Variants in DBX2 observed in about 807,000 individuals in gnomAD.
The protein encoded by DBX2 is homeobox protein DBX2.
DBX2 carries 16 observed loss-of-function variants against 17.7 expected under a neutral mutation model. The ratio of observed to expected loss-of-function variants is 0.90; its 90% CI spans 0.61 to 1.37. The LOEUF (loss-of-function observed/expected upper bound fraction) is 1.37. Among genes scored for constraint, DBX2 ranks in the 40% most tolerant of loss-of-function variants. The pLI, the probability that DBX2 is intolerant of heterozygous loss-of-function variation, is 0.00. For synonymous variants in DBX2, 255 were observed against 183.8 expected (o/e 1.39, Z -3.13); for missense variants, 538 against 433.8 (o/e 1.24, Z -2.13).
chr12:45,034,773 G>A (rs992066034), intron 2 of DBX2, among the ~76,000 whole-genome samples: 2 of 152,186 alleles, frequency 1.3e-5, no homozygotes, highest in African/African-American at 4.8e-5. Context: ...ATGGTGTCCA[G>A]AAATTCACTT....
Position 45,033,738 on chromosome 12 carries a change from T to C in DBX2, c.499+2281A>G, listed in dbSNP as rs368234425. 9.8e-5 allele frequency among the ~76,000 whole-genome samples: 15 copies of C among 152,294 alleles called. No individual in the cohort carries two copies. The South Asian group carries it at 2.9e-3, about 29-fold the overall frequency. Reference sequence around the variant, plus strand: ...CTAAACTGTTTTAAAATGCCAACTTTAGAAATGAAGCCAAACCAAGTGCAT... The same window carrying C: ...CTAAACTGTTTTAAAATGCCAACTTCAGAAATGAAGCCAAACCAAGTGCAT... On this transcript the variant is annotated intron_variant, in intron 2 of 3. Coordinates refer to ENST00000332700, the MANE Select transcript of DBX2 (RefSeq NM_001004329.3).
intron 1 of DBX2, 39 bp from the exon 2 acceptor site, chr12:45,036,153 T>C (rs1215012029): frequency 1.3e-6 from 2 of 1,522,846 alleles, no homozygotes; most frequent in Non-Finnish European, 1.8e-6. Flanking sequence ...TAGCCATTTC[T>C]TTAAGACAAT....
At chr12:45,042,246 A>AAGAC (rs1391379471) in intron 1 of DBX2, among the ~76,000 whole-genome samples, 1 of 152,238 alleles carries the variant, frequency 6.6e-6, no homozygotes, top group African/African-American at 2.4e-5. Context: ...ATCTGAGATC[A>AAGAC]AGACTAAAAC....
At chr12:45,030,727 A>G (rs1377786100) in intron 2 of DBX2, among the ~76,000 whole-genome samples, 2 of 151,990 alleles carry the variant, frequency 1.3e-5, no homozygotes, top group Non-Finnish European at 2.9e-5. Context: ...TTCATAACTC[A>G]GTATCCCCCA....
intron 1 of DBX2, among the ~76,000 whole-genome samples, chr12:45,042,527 C>T (rs2137031004): frequency 6.6e-6 from 1 of 152,232 alleles, no homozygotes; most frequent in East Asian, 1.9e-4. Flanking sequence ...GACAAAGCCC[C>T]ACGGGTGAAC....
In DBX2 at chr12:45,040,282, T is replaced by C. The variant is rs1048131409; in HGVS notation, c.404-4168A>G. ...CACTGGACTCCAAGTTCTTCAGTTA[T>C]GGGACTCGAACTGGCTCTCCTTGCT... On this transcript the variant is annotated intron_variant, in intron 1 of 3. Transcript: ENST00000332700. Among the ~76,000 whole-genome samples, 5 of 152,262 alleles carry C rather than the reference T, an allele frequency of 3.3e-5. No homozygotes were observed. The East Asian group carries it at 9.7e-4, about 29-fold the overall frequency.
In DBX2 at chr12:45,050,975, TCGCCCGGG is replaced by T. The variant is rs1261789678; in HGVS notation, c.-56_-49del. On this transcript the variant is annotated 5_prime_UTR_variant, in exon 1 of 4. Coordinates refer to ENST00000332700, the MANE Select transcript of DBX2 (RefSeq NM_001004329.3). ...TGCGCGCCCGCCTTGCGCCCGCCTG[TCGCCCGGG>T]CGCCCCGCACCGCACCCAGAGCCGC... is the stretch of plus-strand genomic sequence containing the variant. 4 of 1,356,862 alleles carry T rather than the reference TCGCCCGGG, an allele frequency of 2.9e-6. No homozygotes were observed. Among genetic ancestry groups the T allele is most frequent in the Admixed American group, 3.9e-5 (1 of 25,378 alleles). The allele number at this position is 1,356,862 out of a possible 1,614,324, so 84.1% of individuals were successfully genotyped here. A position where few individuals can be genotyped will look rare whatever the true frequency, so the allele number is the denominator to read the frequency against.
At chr12:45,032,449 G>C (rs1946415468) in intron 2 of DBX2, among the ~76,000 whole-genome samples, 2 of 152,136 alleles carry the variant, frequency 1.3e-5, no homozygotes, top group African/African-American at 4.8e-5. Flanking sequence ...TAGTAAAAGA[G>C]AACACAGAAA....
chr12:45,036,861 T>C (rs1461715595), intron 1 of DBX2, among the ~76,000 whole-genome samples: 2 of 152,210 alleles, frequency 1.3e-5, no homozygotes, highest in Non-Finnish European at 2.9e-5. Flanking sequence ...CTAGTCACCC[T>C]GAAGATATAT....
Position 45,016,636 on chromosome 12 carries a change from G to A in DBX2, c.688-18C>T. ...ATTTTCACCTATTGACAAAATAATT[G>A]CACAAAATGATCACTTATTCCAGGT... is the stretch of plus-strand genomic sequence containing the variant. On this transcript the variant is annotated intron_variant, in intron 3 of 3. Coordinates refer to ENST00000332700, the MANE Select transcript of DBX2 (RefSeq NM_001004329.3). 6.6e-7 allele frequency: 1 copy of A among 1,511,406 alleles called. No homozygotes were observed. The highest frequency in any genetic ancestry group is 1.4e-5 in the South Asian group (1 of 73,238). 93.6% of individuals were successfully genotyped at this position (1,511,406 alleles called of 1,614,324 possible). A position where few individuals can be genotyped will look rare whatever the true frequency, so the allele number is the denominator to read the frequency against.
chr12:45,048,937 T>G (rs1946514690), intron 1 of DBX2, among the ~76,000 whole-genome samples: 1 of 152,188 alleles, frequency 6.6e-6, no homozygotes, highest in Non-Finnish European at 1.5e-5. Flanking sequence ...TTGGACACTT[T>G]GGTTAAGTGT....
intron 3 of DBX2, among the ~76,000 whole-genome samples, chr12:45,018,040 C>T (rs1379881636): frequency 6.6e-6 from 1 of 152,250 alleles, no homozygotes; most frequent in Non-Finnish European, 1.5e-5. Flanking sequence ...AAAAAATCTA[C>T]CCCAGGCAAT....
At chr12:45,044,639 AC>A (rs1256821559) in intron 1 of DBX2, among the ~76,000 whole-genome samples, 1 of 152,166 alleles carries the variant, frequency 6.6e-6, no homozygotes, top group Non-Finnish European at 1.5e-5. Context: ...AAAAGACGCA[AC>A]CTTTTTGTTT....
At chr12:45,029,842 C>T (rs997481483) in intron 2 of DBX2, among the ~76,000 whole-genome samples, 7 of 148,864 alleles carry the variant, frequency 4.7e-5, no homozygotes, top group South Asian at 2.1e-4. Context: ...CCAGGCTAGA[C>T]GGCAGAGCAA....
At chr12:45,031,528 T>G (rs962702243) in intron 2 of DBX2, among the ~76,000 whole-genome samples, 1 of 152,166 alleles carries the variant, frequency 6.6e-6, no homozygotes, top group Middle Eastern at 3.2e-3. Flanking sequence ...AAAACTCTCA[T>G]GTTCTCCCTA....
chr12:45,047,080 T>G (rs1000208778), intron 1 of DBX2, among the ~76,000 whole-genome samples: 1 of 152,178 alleles, frequency 6.6e-6, no homozygotes, highest in Non-Finnish European at 1.5e-5. Context: ...TTCCACTTAT[T>G]TTGAAGAGAA....
chr12:45,016,155 AAAGC>A lies in DBX2; in HGVS notation c.*127_*130del. 1 of 973,038 alleles carries A rather than the reference AAAGC, an allele frequency of 1.0e-6. No homozygotes were observed. The highest frequency in any genetic ancestry group is 1.4e-6 in the Non-Finnish European group (1 of 694,018). 60.3% of individuals were successfully genotyped at this position (973,038 alleles called of 1,614,324 possible). A position where few individuals can be genotyped will look rare whatever the true frequency, so the allele number is the denominator to read the frequency against. ...AAGAGAACACTAGAGTGGGTTTCCT[AAAGC>A]ATTAGTTCATACATCGCTCCAAAGT... On this transcript the variant is annotated 3_prime_UTR_variant, in exon 4 of 4. Coordinates refer to ENST00000332700, the MANE Select transcript of DBX2 (RefSeq NM_001004329.3).
chr12:45,049,556 G>A (rs1361974806), intron 1 of DBX2, among the ~76,000 whole-genome samples: 1 of 151,982 alleles, frequency 6.6e-6, no homozygotes, highest in Non-Finnish European at 1.5e-5. Context: ...AATTTGATCC[G>A]GCAGTTTGCT....
intron 3 of DBX2, among the ~76,000 whole-genome samples, chr12:45,017,267 C>T (rs560937170): frequency 7.2e-5 from 11 of 152,168 alleles, no homozygotes; most frequent in Non-Finnish European, 1.6e-4. Flanking sequence ...GTATTAGCAT[C>T]TGAGTGTTTA....
Sources: gnomAD v4.1 joint callset for allele counts (sites outside exome capture counted in the v4.1 genomes callset) on GRCh38, gnomAD v4.1.1 for gene constraint, MANE v1.5 for transcripts, NCBI Gene and HGNC (gene_info 2026-07-23, HGNC 2026-07-21) for gene names.